The following HERC4 variants were observed in gnomAD, a reference collection of about 807,000 sequenced individuals.
The protein encoded by HERC4 is probable E3 ubiquitin-protein ligase HERC4.
A neutral mutation model predicts 124.3 loss-of-function variants in HERC4; 28 were observed. The observed-to-expected ratio is 0.23, with a 90% CI of 0.17 to 0.31. HERC4 has a LOEUF of 0.31. HERC4 is among the 10% of genes least tolerant of loss of function. The pLI is 1.00. For missense variants in HERC4, 713 were observed against 1,229.3 expected (o/e 0.58, Z 6.28); for synonymous variants, 407 against 421.5 (o/e 0.97, Z 0.42).
chr10:68,060,949 A>G (rs561960690), intron 3 of HERC4, among the ~76,000 whole-genome samples: 1 of 152,072 alleles, frequency 6.6e-6, no homozygotes, highest in South Asian at 2.1e-4. Flanking sequence ...ATGTCTTCTA[A>G]TAATGTATAG....
intron 3 of HERC4, among the ~76,000 whole-genome samples, chr10:68,061,450 A>G (rs1183381300): frequency 2.0e-5 from 3 of 146,352 alleles, no homozygotes; most frequent in African/African-American, 7.5e-5. Flanking sequence ...GGAGAATGGC[A>G]TGAACCCAGG....
At chr10:68,025,511 T>C (rs1229193543) in intron 8 of HERC4, 35 bp downstream of exon 8, 1 of 1,591,702 alleles carries the variant, frequency 6.3e-7, no homozygotes, top group Non-Finnish European at 8.6e-7. Flanking sequence ...AACTGCAGTT[T>C]AGAGACCAAA....
At chr10:68,000,483 G>C (rs1418672134) in intron 9 of HERC4, among the ~76,000 whole-genome samples, 1 of 151,998 alleles carries the variant, frequency 6.6e-6, no homozygotes, top group Non-Finnish European at 1.5e-5. Flanking sequence ...GGAGGCTGAG[G>C]TGGGAGGATC....
At chr10:67,966,657 A>G in intron 16 of HERC4, 26 bp downstream of exon 16, 1 of 1,594,740 alleles carries the variant, frequency 6.3e-7, no homozygotes, top group Non-Finnish European at 8.5e-7. Flanking sequence ...ATAAAAATGA[A>G]ATCACAAATT....
intron 22 of HERC4, 62 bp downstream of exon 22, chr10:67,936,091 G>A (rs555442560): frequency 1.2e-5 from 13 of 1,082,434 alleles, no homozygotes; most frequent in South Asian, 6.0e-5. Flanking sequence ...CGTTTTCTAC[G>A]TACAGAAGAA....
At chr10:67,985,361 C>T (rs751427614) in intron 15 of HERC4, among the ~76,000 whole-genome samples, 5 of 152,086 alleles carry the variant, frequency 3.3e-5, no homozygotes, top group Non-Finnish European at 7.4e-5. Context: ...AGAAGTCACA[C>T]GGTAGAAGTT....
At chr10:68,042,514 T>C (rs1183896808) in intron 4 of HERC4, among the ~76,000 whole-genome samples, 2 of 152,154 alleles carry the variant, frequency 1.3e-5, no homozygotes, top group African/African-American at 4.8e-5. Context: ...TCGCACCTAC[T>C]AGGGAGGCTG....
chr10:67,940,812 T>C (rs958746568), intron 20 of HERC4, 127 bp downstream of exon 20: 56 of 825,246 alleles, frequency 6.8e-5, no homozygotes, highest in Non-Finnish European at 9.6e-5. Flanking sequence ...TAGAAGGGCA[T>C]TTGTTTACTT....
At chr10:67,927,412 ATATATATATATAT>A (rs1564910953) in intron 23 of HERC4, among the ~76,000 whole-genome samples, 1 of 9,024 alleles carries the variant, frequency 1.1e-4, no homozygotes, top group African/African-American at 3.7e-4. Context: ...ATATATATAT[ATATATATATATAT>A]ATATATTTTT....
intron 22 of HERC4, among the ~76,000 whole-genome samples, chr10:67,934,259 G>A (rs1363917306): frequency 3.9e-5 from 6 of 151,938 alleles, no homozygotes; most frequent in African/African-American, 1.5e-4. Flanking sequence ...TCACAGTTAA[G>A]CTGTATTCTA....
chr10:68,022,605 A>T (rs936570410), intron 8 of HERC4, among the ~76,000 whole-genome samples: 2 of 152,064 alleles, frequency 1.3e-5, no homozygotes, highest in African/African-American at 4.8e-5. Context: ...AGAAGCAAAC[A>T]GGGAAATGCT....
At chr10:67,944,768 A>G (rs971748443) in intron 19 of HERC4, among the ~76,000 whole-genome samples, 1 of 152,254 alleles carries the variant, frequency 6.6e-6, no homozygotes, top group African/African-American at 2.4e-5. Flanking sequence ...AAATAAAAAG[A>G]AGCAGAAATT....
At chr10:67,996,466 T>C (rs2036889325) in intron 9 of HERC4, among the ~76,000 whole-genome samples, 1 of 152,204 alleles carries the variant, frequency 6.6e-6, no homozygotes, top group Non-Finnish European at 1.5e-5. Flanking sequence ...TATGTGCTTT[T>C]GTTTAACATG....
At chr10:68,001,808 T>A (rs759918538) in intron 9 of HERC4, among the ~76,000 whole-genome samples, 1 of 152,224 alleles carries the variant, frequency 6.6e-6, no homozygotes, top group Non-Finnish European at 1.5e-5. Flanking sequence ...TAGACTCATA[T>A]GATATTTGTC....
chr10:67,992,194 C>T lies in HERC4; in HGVS notation c.1271+5G>A. 1 of 1,612,904 alleles carries T rather than the reference C, an allele frequency of 6.2e-7. No homozygotes were observed. Among genetic ancestry groups the T allele is most frequent in the Non-Finnish European group, 8.5e-7 (1 of 1,179,520 alleles). On this transcript the variant is annotated splice_donor_5th_base_variant and intron_variant, in intron 11 of 24. Coordinates refer to ENST00000373700, the MANE Select transcript of HERC4 (RefSeq NM_015601.4). ...ACTGTGCCTGGCCCAAAATGCTTTT[C>T]TTACTTGGCTATCTCCACAGGAAAC...
At chr10:67,982,085 A>G (rs895116992) in intron 15 of HERC4, among the ~76,000 whole-genome samples, 1 of 152,222 alleles carries the variant, frequency 6.6e-6, no homozygotes, top group African/African-American at 2.4e-5. Flanking sequence ...AATACCAATG[A>G]CATTGATCAC....
intron 9 of HERC4, among the ~76,000 whole-genome samples, chr10:68,006,375 G>GTTTTTTTTTTTT (rs772576805): frequency 4.5e-5 from 6 of 134,028 alleles, no homozygotes; most frequent in Admixed American, 7.3e-5. Context: ...TTTTGTTTTT[G>GTTTTTTTTTTTT]TTTTTTTTTT....
intron 9 of HERC4, among the ~76,000 whole-genome samples, chr10:67,995,574 T>C (rs368707784): frequency 6.6e-5 from 10 of 152,162 alleles, no homozygotes; most frequent in African/African-American, 2.4e-4. Flanking sequence ...TGTCTTTTTT[T>C]TTTTTCATTA....
chr10:67,969,709 A>C (rs997607683), intron 15 of HERC4, among the ~76,000 whole-genome samples: 1 of 152,090 alleles, frequency 6.6e-6, no homozygotes, highest in Non-Finnish European at 1.5e-5. Flanking sequence ...TCAGAATCTT[A>C]TATCAGTAGG....
Sources: allele counts gnomAD v4.1 joint callset (sites outside exome capture counted in the v4.1 genomes callset), GRCh38; gene constraint gnomAD v4.1.1; transcripts MANE v1.5; gene names NCBI Gene and HGNC (gene_info 2026-07-23, HGNC 2026-07-21).